The following GAS7 variants were observed in gnomAD, a reference collection of about 807,000 sequenced individuals.
The protein encoded by GAS7 is growth arrest-specific protein 7.
A neutral mutation model predicts 71.1 loss-of-function variants in GAS7; 28 were observed. The observed-to-expected ratio is 0.39, with a 90% CI of 0.29 to 0.54. GAS7 has a LOEUF of 0.54. Among genes scored for constraint, GAS7 ranks in the 20% least tolerant of loss-of-function variants. The pLI is 0.62. For synonymous variants in GAS7, 258 were observed against 245.8 expected, an observed-to-expected ratio of 1.05 and a Z score of -0.46; for missense variants, 436 against 627.8, an observed-to-expected ratio of 0.69 and a Z score of 3.27.
intron 1 of GAS7, among the ~76,000 whole-genome samples, chr17:10,073,187 G>A (rs553305645): frequency 1.1e-4 from 16 of 152,312 alleles, no homozygotes; most frequent in South Asian, 4.1e-4. Context: ...CCCAGGACTC[G>A]ACGTGTCCCA....
At chr17:10,006,580 C>T (rs1416017131) in intron 2 of GAS7, among the ~76,000 whole-genome samples, 4 of 152,074 alleles carry the variant, frequency 2.6e-5, no homozygotes, top group Admixed American at 1.3e-4. Context: ...CCACCTGCCT[C>T]GGCCTCCCAA....
chr17:10,172,005 A>G (rs1567619400), intron 1 of GAS7, among the ~76,000 whole-genome samples: 1 of 152,206 alleles, frequency 6.6e-6, no homozygotes, highest in Non-Finnish European at 1.5e-5. Flanking sequence ...TTCAGCTGGG[A>G]AAACAGCACA....
At chr17:9,988,641 C>T (rs374741677) in intron 2 of GAS7, among the ~76,000 whole-genome samples, 4 of 151,954 alleles carry the variant, frequency 2.6e-5, no homozygotes, top group East Asian at 1.9e-4. Context: ...GAGCAGAGAT[C>T]GCGTCGTTGC....
At chr17:9,944,591 T>C (rs2068722098) in intron 6 of GAS7, among the ~76,000 whole-genome samples, 1 of 152,194 alleles carries the variant, frequency 6.6e-6, no homozygotes, top group African/African-American at 2.4e-5. Flanking sequence ...AGATGAAGGA[T>C]TTTATGGACA....
Position 9,981,926 on chromosome 17 carries a change from C to A in GAS7, c.305-42G>T. On this transcript the variant is annotated intron_variant, in intron 2 of 13. Coordinates refer to ENST00000432992, the MANE Select transcript of GAS7 (RefSeq NM_201433.2). The surrounding 1 kb of genome is among the most constrained non-coding windows in gnomAD (Gnocchi z 4.4). ...AAAGAAAATCACTTTGAGAATGTCA[C>A]AGGGCAGAACCTGAGTTTCACAGAG... The A allele has an allele frequency of 2.8e-6, 3 of 1,072,236 alleles. No individual in the cohort carries two copies. Among genetic ancestry groups the A allele is most frequent in the Non-Finnish European group, 4.4e-6 (3 of 685,948 alleles). 66.4% of individuals were successfully genotyped at this position (1,072,236 alleles called of 1,614,324 possible).
At chr17:9,933,646 C>T (rs573796150) in intron 9 of GAS7, among the ~76,000 whole-genome samples, 1 of 152,126 alleles carries the variant, frequency 6.6e-6, no homozygotes, top group East Asian at 1.9e-4. Context: ...AGGTTCAAGA[C>T]CAGCCTGGGG....
intron 1 of GAS7, among the ~76,000 whole-genome samples, chr17:10,054,318 G>A (rs948002763): frequency 2.0e-5 from 3 of 152,126 alleles, no homozygotes; most frequent in Non-Finnish European, 4.4e-5. Context: ...GCTGGTAACA[G>A]CAGAGATGGG....
chr17:10,112,765 G>GAAAGAAAGAA (rs1555534117), intron 1 of GAS7, among the ~76,000 whole-genome samples: 38 of 114,066 alleles, frequency 3.3e-4, no homozygotes, highest in South Asian at 8.3e-4. Context: ...AAAGAAAAAA[G>GAAAGAAAGAA]AAAGAAAGAA....
intron 7 of GAS7, 64 bp from the exon 8 acceptor site, chr17:9,940,264 T>C (rs779094116): frequency 8.4e-7 from 1 of 1,183,680 alleles, no homozygotes; most frequent in Non-Finnish European, 1.3e-6. Flanking sequence ...TCTGCCCTGC[T>C]GCCCTGCACA....
chr17:10,158,577 T>C (rs766265033), intron 1 of GAS7, among the ~76,000 whole-genome samples: 9 of 152,204 alleles, frequency 5.9e-5, no homozygotes, highest in Admixed American at 5.2e-4. Context: ...ACTGCTGTTC[T>C]CAACTTACTT....
At chr17:10,111,266 G>A (rs982681936) in intron 1 of GAS7, among the ~76,000 whole-genome samples, 3 of 150,318 alleles carry the variant, frequency 2.0e-5, no homozygotes, top group Non-Finnish European at 4.4e-5. Context: ...CAGGCGCAAT[G>A]GCTCACGCCT....
intron 1 of GAS7, among the ~76,000 whole-genome samples, chr17:10,050,447 G>A (rs1471131288): frequency 3.9e-5 from 6 of 152,090 alleles, no homozygotes; most frequent in African/African-American, 9.7e-5. Flanking sequence ...CTTGGACACC[G>A]AGTCTCCCCA....
rs184468860 is a variant in GAS7 at position 9,989,051 on chromosome 17, G to A, written c.305-7167C>T. Among the ~76,000 whole-genome samples the A allele has an allele frequency of 1.2e-3, 180 of 152,078 alleles. 1 individual carries two copies. The highest frequency in any genetic ancestry group is 1.9e-3 in the Non-Finnish European group (130 of 67,962). The stretch of plus-strand genomic sequence containing the variant: ...TTTTTAGTAGAGACAGGGTTTCACC[G>A]TGTTAGCCAGGATGGTCTCGATCTC... On this transcript the variant is annotated intron_variant, in intron 2 of 13. Coordinates refer to ENST00000432992, the MANE Select transcript of GAS7 (RefSeq NM_201433.2).
Position 10,055,350 on chromosome 17 carries a change from C to T in GAS7, c.184-35453G>A, listed in dbSNP as rs147678554. Among the ~76,000 whole-genome samples the T allele has an allele frequency of 3.7e-3, 561 of 152,270 alleles. 5 individuals are homozygous for T. The highest frequency in any genetic ancestry group is 0.014 in the Middle Eastern group (4 of 294). The stretch of plus-strand genomic sequence containing the variant: ...AGAGTAGGAACATGTGCTCTGGGGC[C>T]GCTGGGAAGAATGCACGGTGATGTG... On this transcript the variant is annotated intron_variant, in intron 1 of 13. Coordinates refer to ENST00000432992, the MANE Select transcript of GAS7 (RefSeq NM_201433.2).
At chr17:9,944,475 G>C (rs1027522514) in intron 6 of GAS7, among the ~76,000 whole-genome samples, 1 of 152,182 alleles carries the variant, frequency 6.6e-6, no homozygotes, top group Non-Finnish European at 1.5e-5. Flanking sequence ...CTTGAAATAG[G>C]GGTGGGTTGC....
In GAS7 at chr17:9,943,098, G is replaced by T. The variant is rs751694193; in HGVS notation, c.731+23C>A. The T allele has an allele frequency of 3.4e-6, 5 of 1,490,262 alleles. No homozygotes were observed. In the South Asian group the frequency reaches 4.5e-5, roughly 13 times the overall value. The allele number at this position is 1,490,262 out of a possible 1,614,324, so 92.3% of individuals were successfully genotyped here. On this transcript the variant is annotated intron_variant, in intron 7 of 13. Coordinates refer to ENST00000432992, the MANE Select transcript of GAS7 (RefSeq NM_201433.2). ...GGGAACACTGGTGCCAGGCCCCAGGGCTGGGAGGGGCCCAGGCTTCACCTT... is the reference window on the plus strand; with the variant it reads ...GGGAACACTGGTGCCAGGCCCCAGGTCTGGGAGGGGCCCAGGCTTCACCTT...
At chr17:10,140,521 A>G (rs1400871360) in intron 1 of GAS7, among the ~76,000 whole-genome samples, 1 of 152,118 alleles carries the variant, frequency 6.6e-6, no homozygotes, top group African/African-American at 2.4e-5. Flanking sequence ...CTGTGTGTCT[A>G]TGTCTATGTG....
intron 1 of GAS7, among the ~76,000 whole-genome samples, chr17:10,040,595 C>G (rs1001618233): frequency 2.7e-5 from 4 of 148,618 alleles, no homozygotes; most frequent in East Asian, 4.1e-4. Context: ...CTCTCTCCCC[C>G]CTCTCACCCA....
chr17:9,928,449 C>T (rs769724719), intron 9 of GAS7, among the ~76,000 whole-genome samples: 3 of 152,048 alleles, frequency 2.0e-5, no homozygotes, highest in Non-Finnish European at 2.9e-5. Flanking sequence ...AACAGATCAA[C>T]GGGACCTGCT....
Sources: gnomAD v4.1 joint callset for allele counts (sites outside exome capture counted in the v4.1 genomes callset) on GRCh38, gnomAD v4.1.1 for gene constraint, Gnocchi (gnomAD v3.1) non-coding constraint, MANE v1.5 for transcripts, NCBI Gene and HGNC (gene_info 2026-07-23, HGNC 2026-07-21) for gene names.